Variants in STIM1 observed in about 807,000 individuals in gnomAD.
STIM1 encodes the protein stromal interaction molecule 1.
STIM1 carries 25 observed loss-of-function variants against 74.7 expected under a neutral mutation model. The observed-to-expected ratio is 0.33, with a 90% confidence interval of 0.24 to 0.47. The LOEUF is 0.47. STIM1 is among the 20% of genes least tolerant of loss of function. The pLI is 1.00. For missense variants in STIM1, 728 were observed against 920.8 expected (o/e 0.79, Z 2.71); for synonymous variants, 328 against 348.8 (o/e 0.94, Z 0.66).
At chr11:4,004,833 CTCA>C (rs1219138605) in intron 2 of STIM1, among the ~76,000 whole-genome samples, 1 of 152,188 alleles carries the variant, frequency 6.6e-6, no homozygotes, top group Non-Finnish European at 1.5e-5. Flanking sequence ...TCGCAACCTA[CTCA>C]TCTGACAAAG....
intron 1 of STIM1, among the ~76,000 whole-genome samples, chr11:3,965,050 C>A (rs1371857488): frequency 6.6e-6 from 1 of 152,204 alleles, no homozygotes; most frequent in Non-Finnish European, 1.5e-5. Context: ...TTAGGTCAAT[C>A]CAATATGATT....
intron 1 of STIM1, among the ~76,000 whole-genome samples, chr11:3,924,744 C>G (rs539002704): frequency 3.5e-4 from 54 of 152,226 alleles, no homozygotes; most frequent in African/African-American, 1.3e-3. Flanking sequence ...TTTTAAAATT[C>G]CAGTTGAAGC....
At chr11:4,088,359 A>G (rs761316951) in intron 12 of STIM1, among the ~76,000 whole-genome samples, 2 of 151,794 alleles carry the variant, frequency 1.3e-5, no homozygotes, top group Non-Finnish European at 2.9e-5. Context: ...GTTCTATCTC[A>G]CTCTGGATAC....
intron 2 of STIM1, among the ~76,000 whole-genome samples, chr11:3,988,514 G>A (rs917429025): frequency 1.3e-5 from 2 of 151,918 alleles, no homozygotes; most frequent in African/African-American, 4.8e-5. Context: ...GAAGCAAATT[G>A]TCCTTAAGAG....
chr11:4,058,894 A>C, intron 4 of STIM1: 1 of 1,090,088 alleles, frequency 9.2e-7, no homozygotes, highest in African/African-American at 1.6e-5. Flanking sequence ...GGGTCATATG[A>C]CATGACAGTT....
At chr11:3,857,362 C>G (rs1201372402) in intron 1 of STIM1, among the ~76,000 whole-genome samples, 2 of 151,930 alleles carry the variant, frequency 1.3e-5, no homozygotes, top group Non-Finnish European at 2.9e-5. Flanking sequence ...AGTGATCCTC[C>G]TGCCTCAGCC....
intron 3 of STIM1, among the ~76,000 whole-genome samples, chr11:4,030,572 T>C (rs2094041714): frequency 6.6e-6 from 1 of 152,252 alleles, no homozygotes. Context: ...AGTCATTTAG[T>C]TAAAAACCTC....
intron 4 of STIM1, 37 bp from the exon 5 acceptor site, chr11:4,059,244 T>A: frequency 6.4e-7 from 1 of 1,568,232 alleles, no homozygotes; most frequent in South Asian, 1.1e-5. Context: ...CTGGCTTTAC[T>A]GGGAGGGAAC....
At chr11:4,045,102 TG>T (rs2094179919) in intron 3 of STIM1, among the ~76,000 whole-genome samples, 5 of 152,112 alleles carry the variant, frequency 3.3e-5, no homozygotes, top group Non-Finnish European at 7.4e-5. Context: ...CAAGATTCTA[TG>T]CCCAGACTTG....
chr11:4,033,748 A>G (rs1397274817), intron 3 of STIM1, among the ~76,000 whole-genome samples: 1 of 151,806 alleles, frequency 6.6e-6, no homozygotes, highest in South Asian at 2.1e-4. Context: ...GGTGCCCACC[A>G]CTGCACCCAG....
intron 3 of STIM1, among the ~76,000 whole-genome samples, chr11:4,025,244 C>G (rs2093989480): frequency 6.6e-6 from 1 of 152,124 alleles, no homozygotes; most frequent in Admixed American, 6.5e-5. Context: ...AAGGGATAAT[C>G]TATATTGTAG....
At chr11:3,927,968 CA>C (rs1225602771) in intron 1 of STIM1, among the ~76,000 whole-genome samples, 9 of 152,192 alleles carry the variant, frequency 5.9e-5, no homozygotes, top group Non-Finnish European at 1.0e-4. Context: ...CATGGGAAAG[CA>C]AATGAAGTAT....
chr11:4,036,363 T>A (rs189151094), intron 3 of STIM1, among the ~76,000 whole-genome samples: 235 of 152,308 alleles, frequency 1.5e-3, no homozygotes, highest in African/African-American at 5.2e-3. Flanking sequence ...TTCCTTTGGG[T>A]GTATACCCAG....
At chr11:4,059,184 A>G in intron 4 of STIM1, 97 bp from the exon 5 acceptor site, 1 of 1,079,810 alleles carries the variant, frequency 9.3e-7, no homozygotes, top group Non-Finnish European at 1.4e-6. Context: ...GCAATCACCA[A>G]GAGCTAGAAG....
intron 1 of STIM1, among the ~76,000 whole-genome samples, chr11:3,910,701 G>T (rs2092546999): frequency 6.6e-6 from 1 of 151,980 alleles, no homozygotes; most frequent in Non-Finnish European, 1.5e-5. Flanking sequence ...CTAAAAACAG[G>T]CCGGGCGAGG....
chr11:3,973,284 C>A, intron 2 of STIM1: 1 of 481,116 alleles, frequency 2.1e-6, no homozygotes, highest in South Asian at 1.6e-5. Context: ...ACCTCCACGA[C>A]CATCACCAGA....
intron 1 of STIM1, among the ~76,000 whole-genome samples, chr11:3,939,940 T>C (rs940890794): frequency 2.0e-5 from 3 of 152,186 alleles, no homozygotes; most frequent in Non-Finnish European, 4.4e-5. Flanking sequence ...CCAGTTGTGT[T>C]CCCTAAGGAG....
At position 4,084,712 on chromosome 11, in the gene STIM1, C is replaced by T. The variant is rs1042398073; in HGVS notation, c.1514C>T (p.Ser505Phe). 7.8e-7 allele frequency: 1 copy of T among 1,289,436 alleles called. No homozygotes were observed. Among genetic ancestry groups the T allele is most frequent in the Admixed American group, 2.3e-5 (1 of 43,568 alleles). 79.9% of individuals were successfully genotyped at this position (1,289,436 alleles called of 1,614,324 possible). A position where few individuals can be genotyped will look rare whatever the true frequency, so the allele number is the denominator to read the frequency against. Residue 505 changes from serine (S) to phenylalanine (F), a missense_variant, in exon 11 of 13, where the codon TCT (serine) becomes TTT (phenylalanine). By Grantham distance (155) the Ser-to-Phe change is radical. Transcript: ENST00000526596. ...ATGGGGCGTAGGTTCAGTGACCGCT[C>T]TCTCTGCTCTACATCCGCCGGCTCG... Reference protein sequence around the residue: ...WLMGRRFSDRSLCSTSAGSDD... With the variant: ...WLMGRRFSDRFLCSTSAGSDD...
At chr11:3,944,897 T>C (rs141093829) in intron 1 of STIM1, among the ~76,000 whole-genome samples, 2 of 152,338 alleles carry the variant, frequency 1.3e-5, no homozygotes, top group East Asian at 3.9e-4. Flanking sequence ...CAATGCTCAA[T>C]TTCATCTTTC....
Sources: gnomAD v4.1 joint callset for allele counts (sites outside exome capture counted in the v4.1 genomes callset) on GRCh38, gnomAD v4.1.1 for gene constraint, MANE v1.5 for transcripts, NCBI Gene and HGNC (gene_info 2026-07-23, HGNC 2026-07-21) for gene names.